Variants in PLCG2 observed in about 807,000 individuals in gnomAD.
PLCG2 encodes phospholipase C gamma 2.
Under a neutral mutation model 175.6 loss-of-function variants are expected in PLCG2, and 69 were observed. That is an observed-to-expected ratio of 0.39 (90% confidence interval 0.32 to 0.48). The LOEUF (loss-of-function observed/expected upper bound fraction) is 0.48. Ranked by LOEUF, PLCG2 falls within the 20% of genes least tolerant of loss-of-function variation. The pLI, the probability that PLCG2 is intolerant of heterozygous loss-of-function variation, is 0.91. For synonymous variants in PLCG2, 827 were observed against 624.0 expected, an observed-to-expected ratio of 1.33 and a Z score of -4.85; for missense variants, 1,798 against 1,650.9, an observed-to-expected ratio of 1.09 and a Z score of -1.54.
At chr16:81,921,073 C>G in intron 20 of PLCG2, 125 bp from the exon 21 acceptor site, 1 of 605,772 alleles carries the variant, frequency 1.7e-6, no homozygotes, top group Non-Finnish European at 2.9e-6. Context: ...AAAGAAAATT[C>G]TATGAGGTTT....
intron 2 of PLCG2, among the ~76,000 whole-genome samples, chr16:81,806,985 T>C (rs1904284198): frequency 6.6e-6 from 1 of 152,094 alleles, no homozygotes; most frequent in African/African-American, 2.4e-5. Flanking sequence ...TGGGAGAGTT[T>C]GCAGTGGATG....
intron 18 of PLCG2, 27 bp downstream of exon 18, chr16:81,910,747 G>A (rs543998422): frequency 3.5e-5 from 56 of 1,596,482 alleles, no homozygotes; most frequent in Non-Finnish European, 1.4e-5. Flanking sequence ...GGAGCAGGAG[G>A]CAGGCGGTGG....
chr16:81,861,962 G>A (rs1048964352), intron 5 of PLCG2, among the ~76,000 whole-genome samples: 4 of 152,180 alleles, frequency 2.6e-5, no homozygotes, highest in Admixed American at 1.3e-4. Context: ...TGTGCTCACC[G>A]GCTTCCTCTC....
chr16:81,897,344 T>C (rs1597116141), intron 13 of PLCG2, among the ~76,000 whole-genome samples: 1 of 152,316 alleles, frequency 6.6e-6, no homozygotes, highest in East Asian at 1.9e-4. Flanking sequence ...TGTTGAGTAC[T>C]AGTTTGGGCA....
intron 2 of PLCG2, among the ~76,000 whole-genome samples, chr16:81,842,016 T>G (rs1032735917): frequency 3.3e-5 from 5 of 152,236 alleles, no homozygotes; most frequent in Non-Finnish European, 5.9e-5. Flanking sequence ...GGCCACGTGA[T>G]TTTTATTTCA....
In PLCG2 at chr16:81,900,739, C is replaced by T. The variant is rs1366701402; in HGVS notation, c.1321C>T (p.Leu441=). 1.9e-6 allele frequency: 3 copies of T among 1,606,508 alleles called. No homozygotes were observed. The highest frequency in any genetic ancestry group is 2.7e-5 in the African/African-American group (2 of 74,816). ...GCCCACGGAGGCCAGTGCTGACCAGCTGCCCTCGCCCAGCCAGCTGCGGGA... is the reference window on the plus strand; with the variant it reads ...GCCCACGGAGGCCAGTGCTGACCAGTTGCCCTCGCCCAGCCAGCTGCGGGA... The part of the protein sequence containing the change: ...TKPTEASADQ[L]PSPSQLREKI... Residue 441 remains leucine, a synonymous_variant, in exon 14 of 33, where the codon CTG becomes TTG. Coordinates refer to ENST00000564138, the MANE Select transcript of PLCG2 (RefSeq NM_002661.5).
intron 5 of PLCG2, among the ~76,000 whole-genome samples, chr16:81,868,416 G>T (rs898235930): frequency 4.6e-5 from 7 of 152,048 alleles, no homozygotes; most frequent in Non-Finnish European, 7.4e-5. Flanking sequence ...CACTTACTCT[G>T]CATCCCTCTT....
At chr16:81,905,952 G>A (rs1909351855) in intron 15 of PLCG2, among the ~76,000 whole-genome samples, 1 of 152,170 alleles carries the variant, frequency 6.6e-6, no homozygotes. Flanking sequence ...AAGCTTCTAA[G>A]CCTGGCCAAC....
At chr16:81,900,107 C>CAT (rs10652557) in intron 13 of PLCG2, among the ~76,000 whole-genome samples, 98,193 of 141,852 alleles carry the variant, frequency 0.69, 31,866 homozygotes, top group East Asian at 0.79. Context: ...TGTATGCATG[C>CAT]ACACATGCAA....
chr16:81,748,570 A>G (rs974954007), intron 1 of PLCG2, among the ~76,000 whole-genome samples: 3 of 152,162 alleles, frequency 2.0e-5, no homozygotes, highest in African/African-American at 4.8e-5. Flanking sequence ...AGGGGTAAAC[A>G]GGGGACTTCT....
chr16:81,745,472 T>C (rs1909685468), intron 1 of PLCG2, among the ~76,000 whole-genome samples: 1 of 152,182 alleles, frequency 6.6e-6, no homozygotes, highest in Non-Finnish European at 1.5e-5. Flanking sequence ...TTCAACATAT[T>C]TAACAACCGA....
chr16:81,836,879 G>A (rs1280679770), intron 2 of PLCG2, among the ~76,000 whole-genome samples: 1 of 152,168 alleles, frequency 6.6e-6, no homozygotes, highest in African/African-American at 2.4e-5. Flanking sequence ...AGCCTTACAT[G>A]AGTGCACAGG....
At chr16:81,763,423 G>C (rs554287077) in intron 2 of PLCG2, among the ~76,000 whole-genome samples, 3 of 152,228 alleles carry the variant, frequency 2.0e-5, no homozygotes, top group Non-Finnish European at 4.4e-5. Context: ...TCCAGCTGCA[G>C]GTGGATGCCA....
chr16:81,936,196 C>G lies in PLCG2; in HGVS notation c.2870C>G (p.Ser957Cys). The change falls in exon 27 of 33, where the codon TCC becomes TGC. Residue 957 changes from serine to cysteine, a missense_variant. By Grantham distance (112) the Ser-to-Cys change is moderately radical (BLOSUM62 -1). Coordinates refer to ENST00000564138, the MANE Select transcript of PLCG2 (RefSeq NM_002661.5). Reference protein sequence around the residue: ...LENPDFREIRSFVETKADSII... With the variant: ...LENPDFREIRCFVETKADSII... ...AATCCTGACTTCCGAGAAATCCGCT[C>G]CTTTGTGGAGACGAAGGCTGACAGC... The G allele has an allele frequency of 1.9e-6, 3 of 1,614,162 alleles. No individual in the cohort carries two copies. The highest frequency in any genetic ancestry group is 2.5e-6 in the Non-Finnish European group (3 of 1,180,042).
chr16:81,783,024 G>T, intron 1 of PLCG2: 1 of 433,434 alleles, frequency 2.3e-6, no homozygotes, highest in Non-Finnish European at 4.6e-6. Flanking sequence ...ACTGGGCTTC[G>T]AAGCTGGAAG....
chr16:81,901,806 T>G (rs1909162850), intron 14 of PLCG2, among the ~76,000 whole-genome samples: 1 of 152,240 alleles, frequency 6.6e-6, no homozygotes, highest in Admixed American at 6.5e-5. Flanking sequence ...TAGATCTTAT[T>G]TAAGATGTTA....
chr16:81,785,326 A>G lies in PLCG2; in HGVS notation c.-47-617A>G, dbSNP rs145613958. 2.2e-3 allele frequency among the ~76,000 whole-genome samples: 338 copies of G among 152,238 alleles called. 1 individual carries two copies. The highest frequency in any genetic ancestry group is 0.016 in the South Asian group (77 of 4,822). The stretch of plus-strand genomic sequence containing the variant: ...CTAAAACTGAGGCACAGAGAGGTCA[A>G]GCAGTCTACCCAGAGCTACACAGTC... On this transcript the variant is annotated intron_variant, in intron 1 of 32. Transcript: ENST00000564138.
intron 2 of PLCG2, among the ~76,000 whole-genome samples, chr16:81,817,908 C>G (rs573954752): frequency 6.6e-5 from 10 of 152,170 alleles, no homozygotes; most frequent in African/African-American, 2.4e-4. Flanking sequence ...CTTACTGTTT[C>G]GGGGAGAAGG....
intron 30 of PLCG2, among the ~76,000 whole-genome samples, chr16:81,941,718 G>A (rs1356576575): frequency 6.8e-6 from 1 of 147,178 alleles, no homozygotes; most frequent in Non-Finnish European, 1.5e-5. Flanking sequence ...TTTTTTTTGA[G>A]ATGGAGTCTT....
Sources: gnomAD v4.1 joint callset for allele counts (sites outside exome capture counted in the v4.1 genomes callset) on GRCh38, gnomAD v4.1.1 for gene constraint, MANE v1.5 for transcripts, NCBI Gene and HGNC (gene_info 2026-07-23, HGNC 2026-07-21) for gene names.